CSRNP2: variants seen among roughly 807,000 people sequenced by gnomAD.
CSRNP2 encodes cysteine/serine-rich nuclear protein 2.
Under a neutral mutation model 36.6 loss-of-function variants are expected in CSRNP2, and 11 were observed. The ratio of observed to expected loss-of-function variants is 0.30; its 90% CI spans 0.19 to 0.50. CSRNP2 has a LOEUF of 0.50. Among genes scored for constraint, CSRNP2 ranks in the 20% least tolerant of loss-of-function variants. The pLI, the probability that CSRNP2 is intolerant of heterozygous loss-of-function variation, is 0.98. For missense variants in CSRNP2, 483 were observed against 691.4 expected (o/e 0.70, Z 3.38); for synonymous variants, 248 against 275.3 (o/e 0.90, Z 0.98).
chr12:51,068,645 T>A (rs1045800021), intron 3 of CSRNP2, among the ~76,000 whole-genome samples: 1 of 152,168 alleles, frequency 6.6e-6, no homozygotes, highest in Admixed American at 6.5e-5. Context: ...TTTCCAGACA[T>A]GTATCCCCTA....
chr12:51,082,433 T>C (rs1939679963), intron 1 of CSRNP2: 1 of 152,172 alleles, frequency 6.6e-6, no homozygotes, highest in Admixed American at 6.5e-5. Flanking sequence ...ATCCAGTCAT[T>C]TATAACACCG....
At position 51,063,952 on chromosome 12, in the gene CSRNP2, C is replaced by T. The variant is rs1326384957; in HGVS notation, c.1426G>A (p.Gly476Arg). Residue 476 changes from glycine (G) to arginine (R), a missense_variant, in exon 5 of 5, where the codon GGG becomes AGG. Gly to Arg is a moderately radical substitution (Grantham distance 125). Coordinates refer to ENST00000228515, the MANE Select transcript of CSRNP2 (RefSeq NM_030809.3). ...DPAALCKSEVGKTPTLEALLP... is the reference protein window; with the variant it reads ...DPAALCKSEVRKTPTLEALLP... ...AGAGCTTCTAGGGTGGGTGTTTTCC[C>T]CACCTCTGATTTACAGAGGGCAGCT... 3.1e-6 allele frequency: 5 copies of T among 1,612,890 alleles called. No homozygotes were observed. In the African/African-American group the frequency reaches 6.7e-5, roughly 22 times the overall value.
chr12:51,076,297 G>C, intron 2 of CSRNP2, 114 bp downstream of exon 2: 1 of 1,144,038 alleles, frequency 8.7e-7, no homozygotes, highest in Non-Finnish European at 1.3e-6. Flanking sequence ...AAAGAGCAAG[G>C]AAAGATGATG....
chr12:51,061,539 C>CT lies in CSRNP2; in HGVS notation c.*2206dup, dbSNP rs779049916. On this transcript the variant is annotated 3_prime_UTR_variant, in exon 5 of 5. Transcript: ENST00000228515. ...AGATGGACTAGGTTGTAGAGAAGGC[C>CT]TTTCGCTTGACAAGACAGTTAATGC... The CT allele has an allele frequency of 9.2e-5, 14 of 152,616 alleles. No individual in the cohort carries two copies. The highest frequency in any genetic ancestry group is 1.8e-4 in the Non-Finnish European group (12 of 68,042). 9.5% of individuals were successfully genotyped at this position (152,616 alleles called of 1,614,324 possible). A position where few individuals can be genotyped will look rare whatever the true frequency, so the allele number is the denominator to read the frequency against.
At chr12:51,071,255 G>C (rs1359289279) in intron 3 of CSRNP2, among the ~76,000 whole-genome samples, 1 of 48,652 alleles carries the variant, frequency 2.1e-5, no homozygotes, top group African/African-American at 6.4e-5. Context: ...GTGAGACCCT[G>C]CATCAAAAAA....
intron 3 of CSRNP2, among the ~76,000 whole-genome samples, chr12:51,070,414 C>T (rs576415220): frequency 1.3e-5 from 2 of 152,248 alleles, no homozygotes; most frequent in South Asian, 4.1e-4. Flanking sequence ...CAGGATTGCT[C>T]CTGTCTACAT....
At chr12:51,065,569 C>T (rs1196234891) in intron 4 of CSRNP2, among the ~76,000 whole-genome samples, 6 of 151,966 alleles carry the variant, frequency 3.9e-5, no homozygotes, top group Non-Finnish European at 4.4e-5. Context: ...CATCATGGCT[C>T]ACTGCAGCCT....
At chr12:51,066,228 G>A (rs995676738) in intron 4 of CSRNP2, among the ~76,000 whole-genome samples, 1 of 152,168 alleles carries the variant, frequency 6.6e-6, no homozygotes, top group Non-Finnish European at 1.5e-5. Flanking sequence ...GCTGAGGCAG[G>A]CGGATCACGA....
chr12:51,072,722 G>A (rs935173411), intron 3 of CSRNP2, among the ~76,000 whole-genome samples: 1 of 152,032 alleles, frequency 6.6e-6, no homozygotes, highest in Non-Finnish European at 1.5e-5. Flanking sequence ...AATGCTGTTT[G>A]TATCTACAAG....
At position 51,083,419 on chromosome 12, in the gene CSRNP2, G is replaced by T; in HGVS notation, c.-167C>A. 1 of 152,966 alleles carries T rather than the reference G, an allele frequency of 6.5e-6. No individual in the cohort carries two copies. The highest frequency in any genetic ancestry group is 1.9e-4 in the South Asian group (1 of 5,154). The allele number at this position is 152,966 out of a possible 1,614,324, so 9.5% of individuals were successfully genotyped here. ...CGCCGCCCTAGCCCGGTGGGAAGGA[G>T]GGAGGAGCGAGCGAGTCCCGGGCCC... On this transcript the variant is annotated 5_prime_UTR_variant, in exon 1 of 5. Transcript: ENST00000228515.
intron 4 of CSRNP2, among the ~76,000 whole-genome samples, chr12:51,065,892 A>G (rs12828349): frequency 0.16 from 24,692 of 152,202 alleles, 2,213 homozygotes; most frequent in South Asian, 0.26. Context: ...ATAAAGAAAG[A>G]GTGAGTTAGG....
rs1948822125 is a variant in CSRNP2, at chr12:51,061,315, G to A, written c.*2431C>T. 1 of 152,618 alleles carries A rather than the reference G, an allele frequency of 6.6e-6. No individual in the cohort carries two copies. 9.5% of individuals were successfully genotyped at this position (152,618 alleles called of 1,614,324 possible). A position where few individuals can be genotyped will look rare whatever the true frequency, so the allele number is the denominator to read the frequency against. Reference sequence around the variant, plus strand: ...AAATTATTTTCAGAGAACCAGACAAGCTTTGGATTCACATTGAAAATACTA... The same window carrying A: ...AAATTATTTTCAGAGAACCAGACAAACTTTGGATTCACATTGAAAATACTA... On this transcript the variant is annotated 3_prime_UTR_variant, in exon 5 of 5. Transcript: ENST00000228515.
chr12:51,079,622 A>G (rs1309632436), intron 1 of CSRNP2, among the ~76,000 whole-genome samples: 2 of 147,458 alleles, frequency 1.4e-5, no homozygotes, highest in East Asian at 3.9e-4. Flanking sequence ...AAAAAAAAAA[A>G]ATTAGCCAGG....
chr12:51,081,848 AC>A (rs200282522), intron 1 of CSRNP2, among the ~76,000 whole-genome samples: 73 of 148,510 alleles, frequency 4.9e-4, no homozygotes, highest in African/African-American at 1.6e-3. Flanking sequence ...AACAACAACA[AC>A]AAAAAAAAAC....
chr12:51,075,763 G>C (rs1207807022), intron 2 of CSRNP2, among the ~76,000 whole-genome samples: 1 of 152,128 alleles, frequency 6.6e-6, no homozygotes, highest in Non-Finnish European at 1.5e-5. Flanking sequence ...AATTAAGAAA[G>C]CTTGGCCGGG....
In CSRNP2 at chr12:51,072,747, G is replaced by A. The variant is rs546404705; in HGVS notation, c.411+1076C>T. Among the ~76,000 whole-genome samples the A allele has an allele frequency of 9.2e-5, 14 of 152,180 alleles. No homozygotes were observed. The South Asian group carries it at 2.9e-3, about 32-fold the overall frequency. ...GTATCTACAAGATTATCACGTAAGG[G>A]TGATGGGGATTATAGAAACAGCAGG... is the stretch of plus-strand genomic sequence containing the variant. On this transcript the variant is annotated intron_variant, in intron 3 of 4. Coordinates refer to ENST00000228515, the MANE Select transcript of CSRNP2 (RefSeq NM_030809.3).
intron 1 of CSRNP2, among the ~76,000 whole-genome samples, chr12:51,079,867 G>A (rs1476099657): frequency 1.3e-5 from 2 of 149,650 alleles, no homozygotes; most frequent in African/African-American, 4.9e-5. Flanking sequence ...AAGGTCAAGA[G>A]ATCGAGACCA....
chr12:51,081,649 T>C (rs1939647469), intron 1 of CSRNP2, among the ~76,000 whole-genome samples: 1 of 152,268 alleles, frequency 6.6e-6, no homozygotes, highest in Non-Finnish European at 1.5e-5. Context: ...CTAATGGTCT[T>C]TTCTCAAGAG....
At chr12:51,074,274 C>T (rs1371876092) in intron 2 of CSRNP2, among the ~76,000 whole-genome samples, 192 bp from the exon 3 acceptor site, 5 of 152,116 alleles carry the variant, frequency 3.3e-5, no homozygotes, top group African/African-American at 9.7e-5. Flanking sequence ...TGTGTCACCA[C>T]GCCCAGCTAA....
Sources: allele counts gnomAD v4.1 joint callset (sites outside exome capture counted in the v4.1 genomes callset), GRCh38; gene constraint gnomAD v4.1.1; transcripts MANE v1.5; gene names NCBI Gene and HGNC (gene_info 2026-07-23, HGNC 2026-07-21).